TM2D1: variants seen among roughly 807,000 people sequenced by gnomAD.
The protein encoded by TM2D1 is TM2 domain-containing protein 1.
In TM2D1, 15 loss-of-function variants were observed where a neutral mutation model predicts 28.4. The observed-to-expected ratio is 0.53, with a 90% CI of 0.35 to 0.81. The LOEUF is 0.81. TM2D1 is among the 40% of genes least tolerant of loss of function. The pLI, the probability that TM2D1 is intolerant of heterozygous loss-of-function variation, is 0.01. For synonymous variants in TM2D1, 93 were observed against 96.2 expected (o/e 0.97, Z 0.20); for missense variants, 236 against 254.9 (o/e 0.93, Z 0.50).
Position 61,714,213 on chromosome 1 carries a change from G to C in TM2D1, c.239-4776C>G, listed in dbSNP as rs554473379. 3.6e-3 allele frequency among the ~76,000 whole-genome samples: 538 copies of C among 149,742 alleles called. 1 individual carries two copies. Among genetic ancestry groups the C allele is most frequent in the Admixed American group, 7.2e-3 (109 of 15,064 alleles). ...CCCGGCCAAAAACCAAATATTTCTA[G>C]GTGAGTTGAAAATGCCTGGTAAAAA... On this transcript the variant is annotated intron_variant, in intron 2 of 6. Transcript: ENST00000606498.
chr1:61,684,405 T>C (rs188136711), intron 5 of TM2D1, among the ~76,000 whole-genome samples: 90 of 152,262 alleles, frequency 5.9e-4, no homozygotes, highest in Non-Finnish European at 4.4e-5. Flanking sequence ...ACTGTGGTCA[T>C]TTCTCCCACT....
intron 2 of TM2D1, among the ~76,000 whole-genome samples, chr1:61,713,639 T>A (rs1294527773): frequency 6.6e-6 from 1 of 152,040 alleles, no homozygotes; most frequent in African/African-American, 2.4e-5. Flanking sequence ...AGATTGTAGA[T>A]CATTTTTCTC....
chr1:61,703,481 C>T (rs1644417828), intron 3 of TM2D1, among the ~76,000 whole-genome samples: 1 of 144,476 alleles, frequency 6.9e-6, no homozygotes, highest in African/African-American at 2.5e-5. Flanking sequence ...GGCACGATCT[C>T]GGCTTATTGC....
intron 3 of TM2D1, among the ~76,000 whole-genome samples, chr1:61,703,311 ATAT>A (rs35662457): frequency 0.017 from 2,484 of 147,510 alleles, 61 homozygotes; most frequent in African/African-American, 0.056. Flanking sequence ...TTTACATTAA[ATAT>A]TATTATATTT....
intron 3 of TM2D1, among the ~76,000 whole-genome samples, chr1:61,707,761 C>T (rs1453969682): frequency 6.6e-6 from 1 of 152,162 alleles, no homozygotes; most frequent in Non-Finnish European, 1.5e-5. Flanking sequence ...AGAAAGAACG[C>T]TAAGAGTTCT....
intron 2 of TM2D1, among the ~76,000 whole-genome samples, chr1:61,710,797 T>TAGGG (rs1176717040): frequency 1.3e-5 from 2 of 152,228 alleles, no homozygotes; most frequent in Non-Finnish European, 2.9e-5. Context: ...CATTTATAAT[T>TAGGG]ATCCTAAGAT....
At chr1:61,684,426 A>G (rs1317286430) in intron 5 of TM2D1, among the ~76,000 whole-genome samples, 1 of 152,158 alleles carries the variant, frequency 6.6e-6, no homozygotes, top group Admixed American at 6.5e-5. Context: ...TGTTAACAGT[A>G]AAGCATACCT....
intron 5 of TM2D1, among the ~76,000 whole-genome samples, chr1:61,691,845 G>T (rs1314573979): frequency 6.7e-6 from 1 of 148,770 alleles, no homozygotes; most frequent in Non-Finnish European, 1.5e-5. Context: ...AATCCAGGAG[G>T]TGGAGGTTGC....
chr1:61,702,513 C>T (rs1215440139), intron 3 of TM2D1, among the ~76,000 whole-genome samples: 1 of 150,572 alleles, frequency 6.6e-6, no homozygotes, highest in Middle Eastern at 3.2e-3. Flanking sequence ...GGAGTACAGG[C>T]GCACACCACC....
At chr1:61,715,408 TA>T (rs1378522913) in intron 2 of TM2D1, among the ~76,000 whole-genome samples, 3 of 151,976 alleles carry the variant, frequency 2.0e-5, no homozygotes, top group Admixed American at 6.6e-5. Flanking sequence ...CTCACGTCTC[TA>T]ATCCCAGCAC....
intron 5 of TM2D1, among the ~76,000 whole-genome samples, chr1:61,685,133 T>C (rs530858065): frequency 6.6e-6 from 1 of 152,292 alleles, no homozygotes; most frequent in African/African-American, 2.4e-5. Flanking sequence ...CCTAAAAATA[T>C]ATTATATTAG....
chr1:61,708,971 C>T (rs1570117202), intron 3 of TM2D1, among the ~76,000 whole-genome samples: 1 of 151,940 alleles, frequency 6.6e-6, no homozygotes, highest in African/African-American at 2.4e-5. Context: ...TCGAGACCAG[C>T]GCTGGGAAAC....
intron 3 of TM2D1, among the ~76,000 whole-genome samples, chr1:61,703,020 C>A (rs12094088): frequency 0.022 from 3,357 of 151,384 alleles, 121 homozygotes; most frequent in African/African-American, 0.077. Flanking sequence ...GCATGAGAAT[C>A]GCTTGAACCT....
At chr1:61,691,932 A>AAAAAAAATATATATATATATATGTATAT in intron 5 of TM2D1, among the ~76,000 whole-genome samples, 2 of 76,414 alleles carry the variant, frequency 2.6e-5, no homozygotes, top group African/African-American at 9.5e-5. Context: ...AAAAAAAAAA[A>AAAAAAAATATATATATATATATGTATAT]ATATATATAT....
intron 5 of TM2D1, among the ~76,000 whole-genome samples, chr1:61,691,921 T>TAAAAAAAAA (rs1316880566): frequency 3.2e-5 from 2 of 62,058 alleles, no homozygotes; most frequent in African/African-American, 5.7e-5. Context: ...AAAAAAAACT[T>TAAAAAAAAA]AAAAAAAAAA....
rs886196159 is a variant in TM2D1 at position 61,716,409 on chromosome 1, AT to A, written c.239-6973del. On this transcript the variant is annotated intron_variant, in intron 2 of 6. Coordinates refer to ENST00000606498, the MANE Select transcript of TM2D1 (RefSeq NM_032027.3). ...TATATATAATTACATATATAATTTT[AT>A]ATATGTATATAATTATATATAAGTG... 4.0e-4 allele frequency among the ~76,000 whole-genome samples: 58 copies of A among 145,682 alleles called. 1 individual carries two copies. Among genetic ancestry groups the A allele is most frequent in the African/African-American group, 1.3e-3 (54 of 40,084 alleles).
intron 2 of TM2D1, among the ~76,000 whole-genome samples, chr1:61,722,146 C>A (rs979689784): frequency 6.6e-6 from 1 of 151,628 alleles, no homozygotes; most frequent in Non-Finnish European, 1.5e-5. Flanking sequence ...ATTAGCTGGG[C>A]GTGGTGACGC....
chr1:61,692,371 T>G (rs766172438), intron 5 of TM2D1, among the ~76,000 whole-genome samples: 4 of 151,768 alleles, frequency 2.6e-5, no homozygotes, highest in Non-Finnish European at 5.9e-5. Flanking sequence ...CCCGATACGT[T>G]TATGGGATCA....
At chr1:61,685,624 G>C (rs1644279572) in intron 5 of TM2D1, among the ~76,000 whole-genome samples, 1 of 152,166 alleles carries the variant, frequency 6.6e-6, no homozygotes, top group South Asian at 2.1e-4. Flanking sequence ...TATTCAAGTA[G>C]TACTTACAAA....
Sources: gnomAD v4.1 joint callset for allele counts (sites outside exome capture counted in the v4.1 genomes callset) on GRCh38, gnomAD v4.1.1 for gene constraint, MANE v1.5 for transcripts, NCBI Gene and HGNC (gene_info 2026-07-23, HGNC 2026-07-21) for gene names.